SLC25A12: variants seen among roughly 807,000 people sequenced by gnomAD.
SLC25A12 encodes the protein electrogenic aspartate/glutamate antiporter SLC25A12, mitochondrial.
In SLC25A12, 32 loss-of-function variants were observed where a neutral mutation model predicts 83.3. That is an observed-to-expected ratio of 0.38 (90% confidence interval 0.29 to 0.52). SLC25A12 has a LOEUF of 0.52. Ranked by LOEUF, SLC25A12 falls within the 20% of genes least tolerant of loss-of-function variation. SLC25A12 has a pLI of 0.84. For missense variants in SLC25A12, 611 were observed against 835.6 expected (o/e 0.73, Z 3.31); for synonymous variants, 267 against 291.1 (o/e 0.92, Z 0.84).
intron 2 of SLC25A12, among the ~76,000 whole-genome samples, chr2:171,877,064 A>G (rs1273970343): frequency 6.6e-6 from 1 of 152,250 alleles, no homozygotes; most frequent in Non-Finnish European, 1.5e-5. Context: ...CATTGAGTAT[A>G]GTTAGCATGT....
intron 3 of SLC25A12, among the ~76,000 whole-genome samples, chr2:171,861,139 T>TAATA (rs1354514941): frequency 1.1e-3 from 171 of 151,156 alleles, no homozygotes; most frequent in Middle Eastern, 3.5e-3. Context: ...ATAATAATAA[T>TAATA]AATATAATCT....
chr2:171,894,134 G>C, intron 1 of SLC25A12, 69 bp downstream of exon 1: 1 of 1,566,338 alleles, frequency 6.4e-7, no homozygotes, highest in Non-Finnish European at 8.7e-7. Flanking sequence ...GGAAGCAGTG[G>C]GGGGCTGCAG....
At chr2:171,851,173 C>G (rs1189273794) in intron 4 of SLC25A12, among the ~76,000 whole-genome samples, 1 of 151,718 alleles carries the variant, frequency 6.6e-6, no homozygotes, top group African/African-American at 2.4e-5. Context: ...TAACAGACAA[C>G]AGTTTGTTGT....
intron 9 of SLC25A12, 97 bp downstream of exon 9, chr2:171,826,701 T>C (rs750918750): frequency 2.2e-5 from 17 of 769,418 alleles, no homozygotes; most frequent in Non-Finnish European, 4.0e-5. Context: ...TGGAAAGTAA[T>C]TTTTAATTTT....
At position 171,815,111 on chromosome 2, in the gene SLC25A12, T is replaced by A. The variant is rs1433553351; in HGVS notation, c.1012+10A>T. 6.2e-7 allele frequency: 1 copy of A among 1,609,314 alleles called. No individual in the cohort carries two copies. On this transcript the variant is annotated intron_variant, in intron 10 of 17. Transcript: ENST00000422440. ...ACAAGCCTCAAACAGCACACAGACATGTCACTCACCTCCAGCAACTGAGCC... is the reference window on the plus strand; with the variant it reads ...ACAAGCCTCAAACAGCACACAGACAAGTCACTCACCTCCAGCAACTGAGCC...
chr2:171,846,668 T>C (rs1038455264), intron 4 of SLC25A12, among the ~76,000 whole-genome samples: 2 of 151,954 alleles, frequency 1.3e-5, no homozygotes, highest in Admixed American at 1.3e-4. Flanking sequence ...AAGCCAGGCA[T>C]GGTGGCACAT....
chr2:171,789,494 C>A lies in SLC25A12; in HGVS notation c.1586-1547G>T, dbSNP rs1363381122. 3.9e-5 allele frequency among the ~76,000 whole-genome samples: 6 copies of A among 152,142 alleles called. No homozygotes were observed. The East Asian group carries it at 1.2e-3, about 29-fold the overall frequency. On this transcript the variant is annotated intron_variant, in intron 15 of 17. Coordinates refer to ENST00000422440, the MANE Select transcript of SLC25A12 (RefSeq NM_003705.5). Reference sequence around the variant, plus strand: ...CTGCCCGCCTTGGCCTCCCAAAGTGCTGGGATTACAGGAATGAGCCACCAA... The same window carrying A: ...CTGCCCGCCTTGGCCTCCCAAAGTGATGGGATTACAGGAATGAGCCACCAA...
At chr2:171,834,305 T>C in intron 7 of SLC25A12, 2 of 476,244 alleles carry the variant, frequency 4.2e-6, no homozygotes, top group Non-Finnish European at 7.5e-6. Flanking sequence ...TAAAACAATC[T>C]CTTTAGAATC....
intron 8 of SLC25A12, 108 bp from the exon 9 acceptor site, chr2:171,826,990 T>C: frequency 1.4e-6 from 1 of 714,284 alleles, no homozygotes; most frequent in South Asian, 1.6e-5. Context: ...TAGTTTAAAA[T>C]CATTACTTCC....
At chr2:171,822,915 G>A (rs1342208874) in intron 9 of SLC25A12, among the ~76,000 whole-genome samples, 1 of 152,116 alleles carries the variant, frequency 6.6e-6, no homozygotes, top group East Asian at 1.9e-4. Flanking sequence ...GGAATACTCT[G>A]CATAATAAAT....
intron 4 of SLC25A12, chr2:171,848,255 C>T (rs1032599203): frequency 4.2e-6 from 2 of 471,038 alleles, no homozygotes; most frequent in South Asian, 1.5e-5. Flanking sequence ...GCTGTACCAA[C>T]GGTGTGGCCA....
intron 4 of SLC25A12, among the ~76,000 whole-genome samples, chr2:171,846,719 T>C (rs554240069): frequency 6.6e-6 from 1 of 152,204 alleles, no homozygotes; most frequent in South Asian, 2.1e-4. Flanking sequence ...GGCAGGAGAA[T>C]TGCTTGAACT....
intron 2 of SLC25A12, among the ~76,000 whole-genome samples, chr2:171,878,845 T>C (rs1685624957): frequency 6.6e-6 from 1 of 152,220 alleles, no homozygotes; most frequent in Non-Finnish European, 1.5e-5. Context: ...TATATGAAGC[T>C]AGTTCTCTTA....
At chr2:171,850,075 A>G (rs1684890420) in intron 4 of SLC25A12, among the ~76,000 whole-genome samples, 2 of 150,950 alleles carry the variant, frequency 1.3e-5, no homozygotes, top group African/African-American at 2.4e-5. Context: ...AAGTACTGGG[A>G]TTATAGGCAA....
intron 13 of SLC25A12, among the ~76,000 whole-genome samples, chr2:171,795,989 C>G (rs1683589067): frequency 6.6e-6 from 1 of 152,200 alleles, no homozygotes; most frequent in Non-Finnish European, 1.5e-5. Context: ...CTCTGTCACC[C>G]AGGCTGGAGT....
At chr2:171,844,806 G>A (rs1055812250) in intron 4 of SLC25A12, among the ~76,000 whole-genome samples, 2 of 151,998 alleles carry the variant, frequency 1.3e-5, no homozygotes, top group African/African-American at 4.8e-5. Context: ...ATAAATGGCT[G>A]CTATTTTACA....
Position 171,785,299 on chromosome 2 carries a change from T to G in SLC25A12, c.2012A>C (p.Lys671Thr). ...TCACTGAGTGGCTGCCACTGCTGCC[T>G]TTGGCTGAACCACAGCAACACTAGG... ...KSPSVAVVQPKAAVAATQ is the reference protein window; with the variant it reads ...KSPSVAVVQPTAAVAATQ Residue 671 changes from lysine (K) to threonine (T), a missense_variant, in exon 18 of 18, where the codon AAG becomes ACG. Coordinates refer to ENST00000422440, the MANE Select transcript of SLC25A12 (RefSeq NM_003705.5). 6.2e-7 allele frequency: 1 copy of G among 1,614,130 alleles called. No individual in the cohort carries two copies. The highest frequency in any genetic ancestry group is 1.6e-4 in the Middle Eastern group (1 of 6,062).
chr2:171,806,704 A>G (rs1000025328), intron 13 of SLC25A12, among the ~76,000 whole-genome samples: 1 of 152,170 alleles, frequency 6.6e-6, no homozygotes, highest in African/African-American at 2.4e-5. Flanking sequence ...CTAGAACTCA[A>G]TTTGAGCCAT....
At chr2:171,894,022 A>G (rs148103840) in intron 1 of SLC25A12, among the ~76,000 whole-genome samples, 181 bp downstream of exon 1, 227 of 151,760 alleles carry the variant, frequency 1.5e-3, no homozygotes, top group African/African-American at 5.2e-3. Flanking sequence ...CCCCTCCCCC[A>G]GCCGGGCATC....
Sources: allele counts gnomAD v4.1 joint callset (sites outside exome capture counted in the v4.1 genomes callset), GRCh38; gene constraint gnomAD v4.1.1; transcripts MANE v1.5; gene names NCBI Gene and HGNC (gene_info 2026-07-23, HGNC 2026-07-21).